The following COL4A6 variants were observed in gnomAD, a reference collection of about 807,000 sequenced individuals.
COL4A6 encodes collagen type IV alpha 6 chain, also known as collagen alpha-6(IV) chain.
In COL4A6, 59 loss-of-function variants were observed where a neutral mutation model predicts 126.7. The ratio of observed to expected loss-of-function variants is 0.47; its 90% CI spans 0.38 to 0.58. The LOEUF (loss-of-function observed/expected upper bound fraction) is 0.58, where lower values mean the gene tolerates loss of function less well. COL4A6 is among the 20% of genes least tolerant of loss of function. The probability of loss-of-function intolerance (pLI) is 0.00; values close to 1 mark genes in which losing one functional copy is unlikely to be tolerated. For missense variants in COL4A6, 1,285 were observed against 1,337.3 expected (o/e 0.96, Z 0.61); for synonymous variants, 547 against 496.6 (o/e 1.10, Z -1.35).
At position 108,221,245 on chromosome X, in the gene COL4A6, C is replaced by T. The variant is rs1277260536; in HGVS notation, c.274G>A (p.Asp92Asn). 2.3e-5 allele frequency: 28 copies of T among 1,210,095 alleles called. No individual in the cohort carries two copies. Among genetic ancestry groups the T allele is most frequent in the East Asian group, 3.0e-5 (1 of 33,753 alleles). Residue 92 changes from aspartate (D) to asparagine (N), a missense_variant, in exon 4 of 45, where the codon GAT becomes AAT. Asp to Asn is a conservative substitution (Grantham distance 23). Transcript: ENST00000334504. ...GLLGPYGPKG[D>N]KGPMGVPGFL... ...TCAAGCTTTGCTGGTCTTACCTTAT[C>T]TCCTTTTGGTCCATAAGGTCCCAGA... is the stretch of plus-strand genomic sequence containing the variant.
chrX:108,207,337 T>A (rs1423272168), intron 8 of COL4A6, among the ~76,000 whole-genome samples: 1 of 104,347 alleles, frequency 9.6e-6, no homozygotes, highest in Non-Finnish European at 2.0e-5. Flanking sequence ...GTGGGTGGGG[T>A]AGGGGAAGGG....
chrX:108,259,263 G>A (rs2037092631), intron 3 of COL4A6, among the ~76,000 whole-genome samples: 1 of 111,206 alleles, frequency 9.0e-6, no homozygotes, highest in African/African-American at 3.3e-5. Flanking sequence ...AGGTGGCACT[G>A]GACACAGATG....
At chrX:108,327,605 A>G (rs2039189089) in intron 2 of COL4A6, among the ~76,000 whole-genome samples, 1 of 110,174 alleles carries the variant, frequency 9.1e-6, no homozygotes, top group Non-Finnish European at 1.9e-5. Context: ...ATTTATCTAT[A>G]GTGACAGAAA....
chrX:108,234,337 T>C (rs1247409903), intron 3 of COL4A6, among the ~76,000 whole-genome samples: 1 of 111,691 alleles, frequency 9.0e-6, no homozygotes, highest in African/African-American at 3.3e-5. Flanking sequence ...TAAAATGTCA[T>C]GTAACTCCAC....
At chrX:108,221,204 A>G (rs1424827802) in intron 4 of COL4A6, 36 bp downstream of exon 4, 1 of 1,207,956 alleles carries the variant, frequency 8.3e-7, no homozygotes, top group Admixed American at 2.2e-5. Flanking sequence ...TTTGTGGCCC[A>G]TGCATCAAAG....
At chrX:108,308,439 T>C (rs1282582691) in intron 3 of COL4A6, among the ~76,000 whole-genome samples, 1 of 112,455 alleles carries the variant, frequency 8.9e-6, no homozygotes, top group Non-Finnish European at 1.9e-5. Context: ...GGAAATGTCC[T>C]TTGTGTCAAA....
At chrX:108,343,758 A>G (rs1226741092) in intron 2 of COL4A6, among the ~76,000 whole-genome samples, 4 of 108,173 alleles carry the variant, frequency 3.7e-5, no homozygotes. Context: ...TAGGTTGAAA[A>G]TGAACATAAT....
At chrX:108,264,730 CA>C (rs775436625) in intron 3 of COL4A6, among the ~76,000 whole-genome samples, 1 of 111,822 alleles carries the variant, frequency 8.9e-6, no homozygotes, top group Non-Finnish European at 1.9e-5. Flanking sequence ...TGCAGGGAGA[CA>C]GAGTTTTTGC....
At chrX:108,376,567 G>A (rs751658180) in intron 2 of COL4A6, among the ~76,000 whole-genome samples, 49 of 111,842 alleles carry the variant, frequency 4.4e-4, no homozygotes, top group Admixed American at 7.5e-4. Context: ...TCGTGCCATT[G>A]CACTCCAGCC....
At chrX:108,270,571 G>A (rs779135085) in intron 3 of COL4A6, among the ~76,000 whole-genome samples, 2 of 112,158 alleles carry the variant, frequency 1.8e-5, no homozygotes, top group Non-Finnish European at 3.8e-5. Context: ...CAGCAAACCC[G>A]CAGACTGGTG....
chrX:108,231,433 C>A (rs1203599652), intron 3 of COL4A6, among the ~76,000 whole-genome samples: 1 of 112,481 alleles, frequency 8.9e-6, no homozygotes, highest in Non-Finnish European at 1.9e-5. Context: ...ACTGATATTT[C>A]TCTTCTAAAA....
At chrX:108,166,067 T>C (rs1157164705) in intron 37 of COL4A6, among the ~76,000 whole-genome samples, 6 of 112,574 alleles carry the variant, frequency 5.3e-5, no homozygotes, top group Non-Finnish European at 1.9e-5. Flanking sequence ...ATGAGCCAAG[T>C]GATTGCTTAA....
At chrX:108,262,379 A>G (rs891790695) in intron 3 of COL4A6, among the ~76,000 whole-genome samples, 4 of 111,286 alleles carry the variant, frequency 3.6e-5, no homozygotes, top group African/African-American at 1.3e-4. Flanking sequence ...AGGTCCTCCA[A>G]GACAGTCATG....
chrX:108,300,679 A>G (rs771810938), intron 3 of COL4A6, among the ~76,000 whole-genome samples: 1 of 108,430 alleles, frequency 9.2e-6, no homozygotes, highest in East Asian at 3.0e-4. Flanking sequence ...GTGATTTACC[A>G]TTTAGACTTT....
chrX:108,377,377 G>GTCT (rs778152413), intron 2 of COL4A6, among the ~76,000 whole-genome samples: 1 of 108,766 alleles, frequency 9.2e-6, no homozygotes, highest in East Asian at 2.9e-4. Flanking sequence ...CTGCAAAGAG[G>GTCT]TCTTCCTCTT....
chrX:108,170,905 C>A lies in COL4A6; in HGVS notation c.3290G>T (p.Arg1097Ile). 8.3e-7 allele frequency: 1 copy of A among 1,210,107 alleles called. No individual in the cohort carries two copies. The highest frequency in any genetic ancestry group is 3.0e-5 in the East Asian group (1 of 33,853). ...GCCTATATTGCCTATTAGTCCATCTCTTCCTTTTGTGCCTATAAAACCAAG... is the reference window on the plus strand; with the variant it reads ...GCCTATATTGCCTATTAGTCCATCTATTCCTTTTGTGCCTATAAAACCAAG... ...GESGFKGTKGRDGLIGNIGFP... is the reference protein window; with the variant it reads ...GESGFKGTKGIDGLIGNIGFP... The change falls in exon 34 of 45, where the codon AGA becomes ATA. Residue 1097 changes from arginine to isoleucine, a missense_variant. Physicochemically the swap from Arg to Ile is moderately conservative, Grantham distance 97. Transcript: ENST00000334504.
chrX:108,263,674 C>T (rs2037224308), intron 3 of COL4A6, among the ~76,000 whole-genome samples: 2 of 112,175 alleles, frequency 1.8e-5, no homozygotes, highest in Non-Finnish European at 3.8e-5. Context: ...CAACTGTGCA[C>T]AGCAGTGGCT....
chrX:108,201,220 C>T (rs2035382053), intron 13 of COL4A6, among the ~76,000 whole-genome samples: 1 of 111,779 alleles, frequency 8.9e-6, no homozygotes, highest in Non-Finnish European at 1.9e-5. Context: ...GGAATGGAGT[C>T]ATCTATCCCC....
chrX:108,301,868 G>A lies in COL4A6; in HGVS notation c.144+8880C>T, dbSNP rs943800607. Among the ~76,000 whole-genome samples the A allele has an allele frequency of 3.6e-5, 4 of 111,743 alleles. No individual in the cohort carries two copies. In the Admixed American group the frequency reaches 3.8e-4, roughly 11 times the overall value. On this transcript the variant is annotated intron_variant, in intron 3 of 44. Transcript: ENST00000334504. ...TGGTGTTTCACTTCTCCCAGTTCCT[G>A]AGATCTCCATTGCTTTATTCTATGT...
Sources: gnomAD v4.1 joint callset for allele counts (sites outside exome capture counted in the v4.1 genomes callset) on GRCh38, gnomAD v4.1.1 for gene constraint, MANE v1.5 for transcripts, NCBI Gene and HGNC (gene_info 2026-07-23, HGNC 2026-07-21) for gene names.